CHLSN: variants seen among roughly 807,000 people sequenced by gnomAD.
CHLSN encodes protein cholesin.
the CHLSN span, among the ~76,000 whole-genome samples, chr7:1,033,447 G>A: frequency 1.3e-5 from 2 of 152,100 alleles, no homozygotes; most frequent in African/African-American, 4.8e-5. Flanking sequence ...AATCCCAGCT[G>A]CTCAGGAAGC....
At chr7:1,068,374 C>G in the CHLSN span, among the ~76,000 whole-genome samples, 904 of 152,274 alleles carry the variant, frequency 5.9e-3, 7 homozygotes, top group African/African-American at 0.021. Flanking sequence ...TGCCACCCGG[C>G]AGGGAGCAGG....
the CHLSN span, chr7:984,351 G>A: frequency 6.8e-7 from 1 of 1,466,400 alleles, no homozygotes; most frequent in Non-Finnish European, 8.9e-7. Context: ...CCGGCCTGAG[G>A]GGACCTAAGG....
At chr7:1,032,167 G>T in the CHLSN span, among the ~76,000 whole-genome samples, 4 of 152,178 alleles carry the variant, frequency 2.6e-5, no homozygotes, top group Non-Finnish European at 5.9e-5. Context: ...GGGTAGATGG[G>T]CCCCAGATCC....
At chr7:985,642 C>T in the CHLSN span, among the ~76,000 whole-genome samples, 3,455 of 152,206 alleles carry the variant, frequency 0.023, 129 homozygotes, top group African/African-American at 0.078. Flanking sequence ...TCCATGTCTG[C>T]CCCCCAAGCC....
chr7:1,070,238 C>T, the CHLSN span, among the ~76,000 whole-genome samples: 1 of 143,334 alleles, frequency 7.0e-6, no homozygotes, highest in East Asian at 2.0e-4. Context: ...CCGGCAGCCA[C>T]CCCGTCCGGG....
the CHLSN span, among the ~76,000 whole-genome samples, chr7:1,134,992 C>T: frequency 1.3e-5 from 2 of 152,220 alleles, no homozygotes; most frequent in South Asian, 4.1e-4. Flanking sequence ...CAATGACACC[C>T]ACGTGGCTAA....
the CHLSN span, among the ~76,000 whole-genome samples, chr7:1,023,668 CACACA>C: frequency 1.0e-5 from 1 of 99,504 alleles, no homozygotes; most frequent in African/African-American, 3.2e-5. This position sits in a 1 kb window ranked among gnomAD's most constrained non-coding sequence, Gnocchi z 5.0. Context: ...CACACACACA[CACACA>C]CACACCAGCA....
chr7:1,114,999 C>A, the CHLSN span, among the ~76,000 whole-genome samples: 2 of 152,224 alleles, frequency 1.3e-5, no homozygotes, highest in African/African-American at 4.8e-5. Flanking sequence ...GTTTGAGATG[C>A]CTGTGGGGGT....
chr7:990,870 C>T, the CHLSN span, among the ~76,000 whole-genome samples: 2 of 152,202 alleles, frequency 1.3e-5, no homozygotes, highest in East Asian at 1.9e-4. Context: ...CTGGAGGGTG[C>T]GGAACATTCC....
chr7:989,727 C>T, the CHLSN span: 2 of 168,644 alleles, frequency 1.2e-5, no homozygotes, highest in South Asian at 1.3e-4. Context: ...TTGCAGTGAG[C>T]CGAGTTCGCA....
the CHLSN span, among the ~76,000 whole-genome samples, chr7:1,128,163 C>G: frequency 4.4e-4 from 1 of 2,270 alleles, no homozygotes. Context: ...GCAGTGGCGC[C>G]ATCTCGGCTC....
the CHLSN span, among the ~76,000 whole-genome samples, chr7:1,136,217 T>C: frequency 3.5e-5 from 4 of 115,292 alleles, no homozygotes; most frequent in African/African-American, 1.4e-4. Context: ...TAAATATATA[T>C]AAACATATAT....
At chr7:1,118,799 C>CAA in the CHLSN span, among the ~76,000 whole-genome samples, 1,400 of 75,828 alleles carry the variant, frequency 0.018, 53 homozygotes, top group African/African-American at 0.052. Context: ...CCATCTCTAC[C>CAA]AAAAAAAAAA....
the CHLSN span, among the ~76,000 whole-genome samples, chr7:1,066,910 G>A: frequency 1.4e-5 from 2 of 144,320 alleles, no homozygotes; most frequent in African/African-American, 2.6e-5. Context: ...GTTGGCGGAG[G>A]CTGGAGTGCA....
chr7:997,826 T>C, the CHLSN span: 4 of 1,600,666 alleles, frequency 2.5e-6, no homozygotes, highest in Middle Eastern at 1.7e-4. Flanking sequence ...AGAGATCGAG[T>C]TGGTCAGGGG....
chr7:1,041,101 G>A, the CHLSN span, among the ~76,000 whole-genome samples: 1 of 152,100 alleles, frequency 6.6e-6, no homozygotes, highest in African/African-American at 2.4e-5. Flanking sequence ...AAGCTGTGCA[G>A]ACGGAATTTA....
At chr7:1,136,129 A>T in the CHLSN span, among the ~76,000 whole-genome samples, 2 of 81,090 alleles carry the variant, frequency 2.5e-5, no homozygotes, top group African/African-American at 9.5e-5. Context: ...AATATATATA[A>T]ATATATACAT....
the CHLSN span, among the ~76,000 whole-genome samples, chr7:1,090,631 G>A: frequency 4.6e-5 from 7 of 152,266 alleles, no homozygotes; most frequent in South Asian, 2.1e-4. Flanking sequence ...GGTGGGTGAC[G>A]GGACCCTCCC....
At chr7:1,050,359 C>T in the CHLSN span, among the ~76,000 whole-genome samples, 1 of 152,272 alleles carries the variant, frequency 6.6e-6, no homozygotes, top group Non-Finnish European at 1.5e-5. Flanking sequence ...GGGAGCCGTC[C>T]ACCTGCGGCG....
Sources: gnomAD v4.1 joint callset for allele counts (sites outside exome capture counted in the v4.1 genomes callset) on GRCh38, gnomAD v4.1.1 for gene constraint, Gnocchi (gnomAD v3.1) non-coding constraint, MANE v1.5 for transcripts, NCBI Gene and HGNC (gene_info 2026-07-23, HGNC 2026-07-21) for gene names.